Variants in SZRD1 observed in about 807,000 individuals in gnomAD.
SZRD1 encodes the protein SUZ RNA binding domain containing 1, also known as SUZ RNA-binding domain-containing.
A neutral mutation model predicts 17.6 loss-of-function variants in SZRD1; 7 were observed. The observed-to-expected ratio is 0.40, with a 90% CI of 0.23 to 0.75. The LOEUF (loss-of-function observed/expected upper bound fraction) is 0.75, where lower values mean the gene tolerates loss of function less well. Among genes scored for constraint, SZRD1 ranks in the 30% least tolerant of loss-of-function variants. The probability of loss-of-function intolerance (pLI) is 0.38; values close to 1 mark genes in which losing one functional copy is unlikely to be tolerated. For missense variants in SZRD1, 178 were observed against 201.8 expected (o/e 0.88, Z 0.71); for synonymous variants, 77 against 77.9 (o/e 0.99, Z 0.06).
At chr1:16,387,136 A>G in intron 1 of SZRD1, 1 of 360,724 alleles carries the variant, frequency 2.8e-6, no homozygotes, top group South Asian at 2.1e-5. Flanking sequence ...GTATTATTTT[A>G]AAAGCTATTA....
chr1:16,372,387 C>T (rs1569996104), intron 1 of SZRD1, among the ~76,000 whole-genome samples: 1 of 152,112 alleles, frequency 6.6e-6, no homozygotes, highest in Admixed American at 6.6e-5. Flanking sequence ...GCAGGAGAAT[C>T]TCTTGAACCT....
intron 1 of SZRD1, among the ~76,000 whole-genome samples, chr1:16,388,891 G>C (rs557964627): frequency 6.6e-6 from 1 of 151,356 alleles, no homozygotes; most frequent in Non-Finnish European, 1.5e-5. Context: ...CAAGTGATCC[G>C]CCTGCCTCAG....
chr1:16,388,262 G>A (rs1414657596), intron 1 of SZRD1, among the ~76,000 whole-genome samples: 3 of 152,068 alleles, frequency 2.0e-5, no homozygotes, highest in Non-Finnish European at 4.4e-5. Flanking sequence ...ACCACGCCCA[G>A]CTAATTTTTG....
Position 16,367,264 on chromosome 1 carries a change from G to C in SZRD1, c.7G>C (p.Asp3His). Residue 3 changes from aspartate (D) to histidine (H), a missense_variant, in exon 1 of 4, where the codon GAT becomes CAT. By Grantham distance (81) the Asp-to-His change is moderately conservative (BLOSUM62 -1). This residue lies in a region of SZRD1 where 117 missense variants were observed against 108.7 expected (regional missense o/e 1.08). Transcript: ENST00000401088. ME[D>H]EEVAESWEEA... ...AGGGAAAGCGGCGAGTAAGATGGAAGATGAGGAGGTCGCTGAGAGCTGGGA... is the reference window on the plus strand; with the variant it reads ...AGGGAAAGCGGCGAGTAAGATGGAACATGAGGAGGTCGCTGAGAGCTGGGA... The C allele has an allele frequency of 6.5e-7, 1 of 1,548,750 alleles. No homozygotes were observed. The highest frequency in any genetic ancestry group is 1.2e-5 in the South Asian group (1 of 83,958).
chr1:16,390,054 A>G (rs2085198034), intron 1 of SZRD1, among the ~76,000 whole-genome samples: 1 of 152,228 alleles, frequency 6.6e-6, no homozygotes. Flanking sequence ...GAGGGACAGA[A>G]TCTTATCTGG....
chr1:16,393,922 A>G lies in SZRD1; in HGVS notation c.356+440A>G, dbSNP rs557428178. ...GAGTAAATGAGCATAGGATGTGGAGAGCCTGGGCTGGCAGAGTGGAAAGTA... is the reference window on the plus strand; with the variant it reads ...GAGTAAATGAGCATAGGATGTGGAGGGCCTGGGCTGGCAGAGTGGAAAGTA... On this transcript the variant is annotated intron_variant, in intron 3 of 3. Transcript: ENST00000401088. The surrounding 1 kb of genome is among the most constrained non-coding windows in gnomAD (Gnocchi z 5.6). Among the ~76,000 whole-genome samples the G allele has an allele frequency of 7.0e-4, 107 of 152,298 alleles. 1 individual carries two copies. The highest frequency in any genetic ancestry group is 2.1e-3 in the Admixed American group (32 of 15,304).
chr1:16,377,640 A>G lies in SZRD1; in HGVS notation c.51+10332A>G, dbSNP rs193295766. Among the ~76,000 whole-genome samples, 337 of 152,096 alleles carry G rather than the reference A, an allele frequency of 2.2e-3. 4 individuals carry two copies. Among genetic ancestry groups the G allele is most frequent in the African/African-American group, 7.9e-3 (326 of 41,490 alleles). On this transcript the variant is annotated intron_variant, in intron 1 of 3. Transcript: ENST00000401088. The stretch of plus-strand genomic sequence containing the variant: ...GGCCTACTTTTCTCCATTAATGGCA[A>G]TAGGTCAGAAGACTGGGATTTAAAT...
intron 1 of SZRD1, chr1:16,387,210 C>G (rs1218167340): frequency 2.3e-6 from 1 of 431,310 alleles, no homozygotes; most frequent in Non-Finnish European, 4.6e-6. Context: ...CGCATTTACT[C>G]AGACATGGCC....
intron 1 of SZRD1, among the ~76,000 whole-genome samples, chr1:16,373,418 A>G (rs1036399024): frequency 6.6e-6 from 1 of 151,604 alleles, no homozygotes; most frequent in Non-Finnish European, 1.5e-5. Context: ...TGTCTCTACT[A>G]AAAATACAAA....
chr1:16,392,063 G>A (rs1023807800), intron 2 of SZRD1, among the ~76,000 whole-genome samples: 2 of 152,084 alleles, frequency 1.3e-5, no homozygotes, highest in South Asian at 2.1e-4. Context: ...GGGCTGCACA[G>A]TCATTCCCCA....
At chr1:16,367,545 C>T (rs933206774) in intron 1 of SZRD1, among the ~76,000 whole-genome samples, 2 of 152,234 alleles carry the variant, frequency 1.3e-5, no homozygotes, top group South Asian at 2.1e-4. Flanking sequence ...GCGCGCGTCA[C>T]CCGGGGCGCC....
At chr1:16,380,854 G>A (rs1016716704) in intron 1 of SZRD1, among the ~76,000 whole-genome samples, 6 of 151,826 alleles carry the variant, frequency 4.0e-5, no homozygotes, top group South Asian at 2.1e-4. Context: ...CAATCCACTT[G>A]CCTTGGCCTT....
intron 3 of SZRD1, 86 bp from the exon 4 acceptor site, chr1:16,394,952 C>T: frequency 1.2e-6 from 1 of 839,730 alleles, no homozygotes; most frequent in Non-Finnish European, 1.9e-6. Context: ...GAGACTCCGT[C>T]TCAAAAATAA....
chr1:16,391,491 T>G lies in SZRD1; in HGVS notation c.101+67T>G. ...TTTGAGAGCCGGGCAGTCAGTGGTG[T>G]TCTCCAGCTGGCCATTAGGATTAGC... On this transcript the variant is annotated intron_variant, in intron 2 of 3. Coordinates refer to ENST00000401088, the MANE Select transcript of SZRD1 (RefSeq NM_001114600.3). This position sits in a 1 kb window ranked among gnomAD's most constrained non-coding sequence, Gnocchi z 4.3. The G allele has an allele frequency of 1.5e-6, 2 of 1,360,752 alleles. No homozygotes were observed. Among genetic ancestry groups the G allele is most frequent in the South Asian group, 2.5e-5 (2 of 78,930 alleles). The allele number at this position is 1,360,752 out of a possible 1,614,324, so 84.3% of individuals were successfully genotyped here.
At chr1:16,368,905 G>A (rs6603858) in intron 1 of SZRD1, among the ~76,000 whole-genome samples, 3,995 of 152,258 alleles carry the variant, frequency 0.026, 177 homozygotes, top group African/African-American at 0.089. Flanking sequence ...TGTTAGAGAA[G>A]TTGGAGGCAA....
intron 1 of SZRD1, among the ~76,000 whole-genome samples, chr1:16,389,985 A>G (rs1286342061): frequency 2.0e-5 from 3 of 152,242 alleles, no homozygotes; most frequent in Non-Finnish European, 4.4e-5. Context: ...ACTGTAGGAC[A>G]TTTAGCATTT....
At chr1:16,375,380 A>G (rs1157057259) in intron 1 of SZRD1, among the ~76,000 whole-genome samples, 1 of 151,422 alleles carries the variant, frequency 6.6e-6, no homozygotes, top group African/African-American at 2.4e-5. Context: ...CAGTGGCGCA[A>G]TTTCTGCTCA....
intron 1 of SZRD1, among the ~76,000 whole-genome samples, chr1:16,376,572 G>T (rs2083005583): frequency 6.6e-6 from 1 of 152,064 alleles, no homozygotes. Context: ...TTGGGGGGCC[G>T]AGGCAGGCGG....
Position 16,395,871 on chromosome 1 carries a change from C to T in SZRD1, c.*731C>T, listed in dbSNP as rs924108482. ...AGACGAGCACCCCATGCCTATACCT[C>T]CCTCCCCGAGCTAAGTCCCAGGGCA... On this transcript the variant is annotated 3_prime_UTR_variant, in exon 4 of 4. Coordinates refer to ENST00000401088, the MANE Select transcript of SZRD1 (RefSeq NM_001114600.3). 1.3e-5 allele frequency: 2 copies of T among 152,820 alleles called. No individual in the cohort carries two copies. Among genetic ancestry groups the T allele is most frequent in the African/African-American group, 4.8e-5 (2 of 41,456 alleles). 9.5% of individuals were successfully genotyped at this position (152,820 alleles called of 1,614,324 possible).
Sources: gnomAD v4.1 joint callset for allele counts (sites outside exome capture counted in the v4.1 genomes callset) on GRCh38, gnomAD v4.1.1 for gene constraint, gnomAD v4.1.1 regional missense constraint, Gnocchi (gnomAD v3.1) non-coding constraint, MANE v1.5 for transcripts, NCBI Gene and HGNC (gene_info 2026-07-23, HGNC 2026-07-21) for gene names.